The following CFAP300 variants were observed in gnomAD, a reference collection of about 807,000 sequenced individuals.
CFAP300 encodes cilia- and flagella-associated protein 300.
Under a neutral mutation model 33.0 loss-of-function variants are expected in CFAP300, and 32 were observed. That is an observed-to-expected ratio of 0.97 (90% CI 0.73 to 1.30). CFAP300 has a LOEUF of 1.30. CFAP300 is among the 50% of genes most tolerant of loss of function. The probability of loss-of-function intolerance (pLI) is 0.00; values close to 1 mark genes in which losing one functional copy is unlikely to be tolerated. For missense variants in CFAP300, 356 were observed against 318.1 expected (o/e 1.12, Z -0.90); for synonymous variants, 102 against 106.8 (o/e 0.95, Z 0.28).
intron 4 of CFAP300, among the ~76,000 whole-genome samples, chr11:102,072,983 A>G (rs1328046588): frequency 1.3e-5 from 2 of 152,168 alleles, no homozygotes; most frequent in Non-Finnish European, 2.9e-5. Flanking sequence ...TGCTGGGGAC[A>G]GGTAGGCCAG....
At chr11:102,055,055 A>G (rs950469237) in intron 2 of CFAP300, among the ~76,000 whole-genome samples, 1 of 149,944 alleles carries the variant, frequency 6.7e-6, no homozygotes, top group African/African-American at 2.5e-5. Context: ...ATCTCAGCTC[A>G]CTGCAACCTC....
intron 2 of CFAP300, among the ~76,000 whole-genome samples, chr11:102,053,293 T>C (rs1298429569): frequency 6.6e-6 from 1 of 151,926 alleles, no homozygotes; most frequent in African/African-American, 2.4e-5. Flanking sequence ...CTCTCACGCC[T>C]ATAATCCCAG....
intron 2 of CFAP300, among the ~76,000 whole-genome samples, chr11:102,053,044 A>G (rs182457333): frequency 3.3e-4 from 50 of 152,128 alleles, no homozygotes; most frequent in Non-Finnish European, 6.9e-4. Flanking sequence ...CCTGACCAAC[A>G]TGGTGAAACC....
chr11:102,078,871 A>G (rs1305926113), intron 5 of CFAP300, among the ~76,000 whole-genome samples: 1 of 152,032 alleles, frequency 6.6e-6, no homozygotes, highest in African/African-American at 2.4e-5. Flanking sequence ...ACCATGGCCC[A>G]GCTAATTTTT....
In CFAP300 at chr11:102,078,708, TG is replaced by T. The variant is rs761478669; in HGVS notation, c.609-2506del. ...CTAAAACAATTACTTGTTTTTGTTTTGTTTTTTTTTATTTTTTTGAGATGGA... is the reference window on the plus strand; with the variant it reads ...CTAAAACAATTACTTGTTTTTGTTTTTTTTTTTTTATTTTTTTGAGATGGA... On this transcript the variant is annotated intron_variant, in intron 5 of 6. Transcript: ENST00000434758. Among the ~76,000 whole-genome samples, 243 of 152,278 alleles carry T rather than the reference TG, an allele frequency of 1.6e-3. 1 individual carries two copies. The highest frequency in any genetic ancestry group is 5.6e-3 in the African/African-American group (232 of 41,558).
intron 3 of CFAP300, among the ~76,000 whole-genome samples, chr11:102,060,309 G>T (rs1183458723): frequency 1.3e-5 from 2 of 149,678 alleles, no homozygotes; most frequent in African/African-American, 2.5e-5. Flanking sequence ...TAGTGATAGG[G>T]TTTCGCCATG....
At chr11:102,056,124 C>T (rs1305147746) in intron 2 of CFAP300, among the ~76,000 whole-genome samples, 1 of 152,194 alleles carries the variant, frequency 6.6e-6, no homozygotes, top group Non-Finnish European at 1.5e-5. Flanking sequence ...GACCCCTCCT[C>T]TTAGGGAGCT....
chr11:102,053,344 G>C (rs1376284274), intron 2 of CFAP300, among the ~76,000 whole-genome samples: 1 of 152,144 alleles, frequency 6.6e-6, no homozygotes, highest in Non-Finnish European at 1.5e-5. Flanking sequence ...CTGAAGTCGG[G>C]AGTTCAAGAC....
chr11:102,064,121 A>G (rs1942189625), intron 3 of CFAP300, among the ~76,000 whole-genome samples: 1 of 152,190 alleles, frequency 6.6e-6, no homozygotes, highest in African/African-American at 2.4e-5. Flanking sequence ...ATGTCTCAAT[A>G]TATGAATTTT....
chr11:102,071,034 T>C (rs574466206), intron 4 of CFAP300, among the ~76,000 whole-genome samples: 25 of 152,200 alleles, frequency 1.6e-4, no homozygotes, highest in Non-Finnish European at 2.8e-4. Flanking sequence ...GGATGAAATG[T>C]TCTGTAGATG....
At chr11:102,074,325 C>G (rs756748207) in intron 4 of CFAP300, among the ~76,000 whole-genome samples, 6 of 152,110 alleles carry the variant, frequency 3.9e-5, no homozygotes, top group Non-Finnish European at 8.8e-5. Context: ...GGTTGAGGAG[C>G]TCTCCCATGG....
chr11:102,054,015 T>C (rs1217653729), intron 2 of CFAP300, among the ~76,000 whole-genome samples: 1 of 152,216 alleles, frequency 6.6e-6, no homozygotes, highest in East Asian at 1.9e-4. Flanking sequence ...GAGAGCCTGA[T>C]TGCTAGACTT....
rs1050884832 is a variant in CFAP300, at chr11:102,066,569, A to G, written c.353A>G (p.Asp118Gly). ...MSFFHRLYDEDIVRDSGHIVK... is the reference protein window; with the variant it reads ...MSFFHRLYDEGIVRDSGHIVK... Reference sequence around the variant, plus strand: ...TTTTTTCATCGGTTATATGATGAAGATATTGTACGAGACAGTGGACATATT... The same window carrying G: ...TTTTTTCATCGGTTATATGATGAAGGTATTGTACGAGACAGTGGACATATT... Residue 118 changes from aspartate (D) to glycine (G), a missense_variant, in exon 4 of 7, where the codon GAT becomes GGT. Physicochemically the swap from Asp to Gly is moderately conservative, Grantham distance 94 (BLOSUM62 -1). Transcript: ENST00000434758. The G allele has an allele frequency of 3.7e-6, 6 of 1,611,922 alleles. No individual in the cohort carries two copies. Among genetic ancestry groups the G allele is most frequent in the Non-Finnish European group, 4.2e-6 (5 of 1,179,132 alleles).
intron 4 of CFAP300, among the ~76,000 whole-genome samples, chr11:102,067,516 T>C (rs1348726984): frequency 2.0e-5 from 3 of 152,240 alleles, no homozygotes; most frequent in Non-Finnish European, 4.4e-5. Context: ...ATTATTTACC[T>C]GATTCCTGAT....
intron 3 of CFAP300, among the ~76,000 whole-genome samples, chr11:102,061,311 AC>A (rs1203277712): frequency 1.3e-5 from 2 of 151,972 alleles, no homozygotes; most frequent in African/African-American, 2.4e-5. Context: ...TTTCTGAAAT[AC>A]CCCCCTCTTA....
rs1335908362 is a variant in CFAP300, at chr11:102,047,532, C to T, written c.62C>T (p.Thr21Ile). 2.0e-6 allele frequency: 3 copies of T among 1,536,028 alleles called. No individual in the cohort carries two copies. The highest frequency in any genetic ancestry group is 2.6e-6 in the Non-Finnish European group (3 of 1,146,810). The change falls in exon 1 of 7, where the codon ACC becomes ATC. Residue 21 changes from threonine (T) to isoleucine (I), a missense_variant. Thr to Ile is a moderately conservative substitution (Grantham distance 89). Coordinates refer to ENST00000434758, the MANE Select transcript of CFAP300 (RefSeq NM_032930.3). Reference protein sequence around the residue: ...GYYFRFLPQKTFQSLSSKEIT... With the variant: ...GYYFRFLPQKIFQSLSSKEIT... ...TACTTCAGGTTCTTGCCTCAGAAAA[C>T]CTTCCAGTCTCTGAGCTCTAAGGAG...
chr11:102,068,235 C>A (rs926491945), intron 4 of CFAP300, among the ~76,000 whole-genome samples: 1 of 152,162 alleles, frequency 6.6e-6, no homozygotes, highest in Non-Finnish European at 1.5e-5. Flanking sequence ...ACGTACAAGT[C>A]TGATGTATTA....
rs760882326 is a variant in CFAP300 at position 102,083,197 on chromosome 11, T to G, written c.802T>G (p.Ter268GluextTer23). Residue 268 changes from the stop codon to glutamate, a stop_lost, in exon 7 of 7, where the codon TAA (stop) becomes GAA (glutamate). Coordinates refer to ENST00000434758, the MANE Select transcript of CFAP300 (RefSeq NM_032930.3). ...YHCYGVGDMS[*>E] The stretch of plus-strand genomic sequence containing the variant: ...CTGTTATGGTGTGGGAGACATGTCT[T>G]AATGTTCTTTCAGATTATGTACCTC... 3.4e-6 allele frequency: 5 copies of G among 1,486,392 alleles called. No individual in the cohort carries two copies. Among genetic ancestry groups the G allele is most frequent in the Admixed American group, 2.1e-5 (1 of 47,678 alleles). The allele number at this position is 1,486,392 out of a possible 1,614,324, so 92.1% of individuals were successfully genotyped here. A position where few individuals can be genotyped will look rare whatever the true frequency, so the allele number is the denominator to read the frequency against.
At chr11:102,072,813 C>T (rs971068337) in intron 4 of CFAP300, among the ~76,000 whole-genome samples, 1 of 152,042 alleles carries the variant, frequency 6.6e-6, no homozygotes, top group Non-Finnish European at 1.5e-5. Flanking sequence ...CGAAGATGTA[C>T]TTACGGTGTT....
Sources: allele counts gnomAD v4.1 joint callset (sites outside exome capture counted in the v4.1 genomes callset), GRCh38; gene constraint gnomAD v4.1.1; transcripts MANE v1.5; gene names NCBI Gene and HGNC (gene_info 2026-07-23, HGNC 2026-07-21).